Variants in PATJ observed in about 807,000 individuals in gnomAD.
PATJ encodes the protein PATJ crumbs cell polarity complex component.
Under a neutral mutation model 224.9 loss-of-function variants are expected in PATJ, and 190 were observed. The observed-to-expected ratio is 0.84, with a 90% CI of 0.75 to 0.95. The LOEUF (loss-of-function observed/expected upper bound fraction) is 0.95, where lower values mean the gene tolerates loss of function less well. Ranked by LOEUF, PATJ falls within the 40% of genes least tolerant of loss-of-function variation. The probability of loss-of-function intolerance (pLI) is 0.00; values close to 1 mark genes in which losing one functional copy is unlikely to be tolerated. For missense variants in PATJ, 2,121 were observed against 2,270.3 expected (o/e 0.93, Z 1.34); for synonymous variants, 769 against 820.3 (o/e 0.94, Z 1.07).
Position 61,787,805 on chromosome 1 carries a change from G to A in PATJ, c.901G>A (p.Val301Met), listed in dbSNP as rs1472357067. 4.3e-6 allele frequency: 7 copies of A among 1,614,038 alleles called. No homozygotes were observed. Among genetic ancestry groups the A allele is most frequent in the East Asian group, 2.2e-5 (1 of 44,898 alleles). Residue 301 changes from valine (V) to methionine (M), a missense_variant, in exon 8 of 44, where the codon GTG becomes ATG. Coordinates refer to ENST00000642238, the MANE Select transcript of PATJ (RefSeq NM_001350145.3). Reference sequence around the variant, plus strand: ...CATCTTGAAGATTGGTGGCACAAACGTGCAGGGAATGACCAGTGAGCAAGT... The same window carrying A: ...CATCTTGAAGATTGGTGGCACAAACATGCAGGGAATGACCAGTGAGCAAGT... ...DHILKIGGTN[V>M]QGMTSEQVAQ... is the part of the protein sequence containing the mutation.
At chr1:61,933,733 A>G (rs954997235) in intron 27 of PATJ, among the ~76,000 whole-genome samples, 8 of 152,052 alleles carry the variant, frequency 5.3e-5, no homozygotes, top group Non-Finnish European at 1.2e-4. Context: ...TCAATTTTCT[A>G]ACCAAAATAA....
rs557464862 is a variant in PATJ at position 62,161,331 on chromosome 1, C to CT, written c.*302dup. 0.11 allele frequency: 9,906 copies of CT among 92,782 alleles called. 1,082 individuals carry two copies. The highest frequency in any genetic ancestry group is 0.21 in the South Asian group (436 of 2,040). 5.7% of individuals were successfully genotyped at this position (92,782 alleles called of 1,614,324 possible). On this transcript the variant is annotated 3_prime_UTR_variant, in exon 44 of 44. Coordinates refer to ENST00000642238, the MANE Select transcript of PATJ (RefSeq NM_001350145.3). ...GCATTTAATTTCAGTGTTCCGATTTCTTTTTTTTTTTTTTTTTTTTTTTTT... is the reference window on the plus strand; with the variant it reads ...GCATTTAATTTCAGTGTTCCGATTTCTTTTTTTTTTTTTTTTTTTTTTTTTT...
intron 33 of PATJ, among the ~76,000 whole-genome samples, chr1:62,097,432 A>G (rs1200377139): frequency 6.6e-6 from 1 of 152,236 alleles, no homozygotes; most frequent in East Asian, 1.9e-4. Flanking sequence ...TGGTCTCAAG[A>G]GGCCTTGCAA....
intron 33 of PATJ, among the ~76,000 whole-genome samples, chr1:62,092,441 T>C (rs1435560279): frequency 6.6e-6 from 1 of 151,642 alleles, no homozygotes; most frequent in East Asian, 1.9e-4. Context: ...TTCTTAATGA[T>C]AAAAAGTCCT....
rs202216894 is a variant in PATJ, at chr1:61,796,658, T to TTTTCTTTC, written c.1261-569_1261-562dup. On this transcript the variant is annotated intron_variant, in intron 10 of 43. Transcript: ENST00000642238. ...AAATATATCCTAAGGTCTAAATTTA[T>TTTTCTTTC]TTTCTTTCTTTCTTTCTTTCTTTCT... Among the ~76,000 whole-genome samples the TTTTCTTTC allele has an allele frequency of 4.4e-3, 455 of 103,692 alleles. 6 individuals carry two copies. The highest frequency in any genetic ancestry group is 0.012 in the African/African-American group (360 of 30,962). The allele number at this position is 103,692 out of a possible 152,430, so 68.0% of individuals were successfully genotyped here. A position where few individuals can be genotyped will look rare whatever the true frequency, so the allele number is the denominator to read the frequency against.
intron 37 of PATJ, among the ~76,000 whole-genome samples, chr1:62,120,010 TTATAA>T (rs1003570927): frequency 2.7e-4 from 41 of 152,306 alleles, no homozygotes; most frequent in Non-Finnish European, 4.7e-4. Context: ...AAGGCAAAAG[TTATAA>T]TATACTGTAC....
At chr1:61,747,945 C>G (rs1486509323) in intron 1 of PATJ, among the ~76,000 whole-genome samples, 1 of 152,208 alleles carries the variant, frequency 6.6e-6, no homozygotes, top group Non-Finnish European at 1.5e-5. Flanking sequence ...CACAGTTTCA[C>G]TCTGTTGCGA....
At chr1:62,072,282 C>T (rs557591281) in intron 31 of PATJ, among the ~76,000 whole-genome samples, 11 of 152,092 alleles carry the variant, frequency 7.2e-5, no homozygotes, top group East Asian at 1.9e-4. Context: ...TTTCTGTAGC[C>T]GTGGTTTTTT....
chr1:62,038,993 C>T (rs1432400710), intron 30 of PATJ: 37 of 1,363,442 alleles, frequency 2.7e-5, no homozygotes, highest in Non-Finnish European at 3.9e-5. Context: ...CAACAAGCAG[C>T]TGAGCTAACC....
chr1:61,826,532 G>C (rs1658300741), intron 15 of PATJ, among the ~76,000 whole-genome samples: 1 of 152,156 alleles, frequency 6.6e-6, no homozygotes. Flanking sequence ...TCAGCTCTTA[G>C]AGACCTATAG....
intron 31 of PATJ, among the ~76,000 whole-genome samples, chr1:62,063,481 CTATT>C (rs944241284): frequency 3.2e-4 from 48 of 151,930 alleles, no homozygotes; most frequent in African/African-American, 1.1e-3. Context: ...ATTGCTTTGG[CTATT>C]TAGGCCCTTT....
At chr1:61,762,390 T>C (rs1266117858) in intron 1 of PATJ, among the ~76,000 whole-genome samples, 1 of 152,154 alleles carries the variant, frequency 6.6e-6, no homozygotes, top group Non-Finnish European at 1.5e-5. Flanking sequence ...TTATATACCA[T>C]TTGTTTATTC....
At chr1:61,861,438 T>A in intron 18 of PATJ, 113 bp from the exon 19 acceptor site, 1 of 558,258 alleles carries the variant, frequency 1.8e-6, no homozygotes, top group Non-Finnish European at 3.2e-6. Context: ...CAACCCATCA[T>A]CTAGGTTTTA....
At chr1:61,915,696 T>G (rs1673355130) in intron 26 of PATJ, among the ~76,000 whole-genome samples, 1 of 141,228 alleles carries the variant, frequency 7.1e-6, no homozygotes, top group African/African-American at 2.7e-5. Context: ...CTTTTCTTTC[T>G]TTTTTTTTTT....
rs1033730605 is a variant in PATJ at position 62,116,747 on chromosome 1, G to A, written c.4803+68G>A. 5.5e-6 allele frequency: 8 copies of A among 1,454,742 alleles called. No homozygotes were observed. In the African/African-American group the frequency reaches 1.1e-4, roughly 21 times the overall value. The allele number at this position is 1,454,742 out of a possible 1,614,324, so 90.1% of individuals were successfully genotyped here. A position where few individuals can be genotyped will look rare whatever the true frequency, so the allele number is the denominator to read the frequency against. Reference sequence around the variant, plus strand: ...GTCCAGTGGGAACTGTTCCAGTCTAGCTTGATTATAAAATGGGTTGGATTT... The same window carrying A: ...GTCCAGTGGGAACTGTTCCAGTCTAACTTGATTATAAAATGGGTTGGATTT... On this transcript the variant is annotated intron_variant, in intron 36 of 43. Coordinates refer to ENST00000642238, the MANE Select transcript of PATJ (RefSeq NM_001350145.3).
Position 62,108,629 on chromosome 1 carries a change from A to G in PATJ, c.4461+109A>G. ...CTGTATTTTCACTGATTCCTCTCCC[A>G]TTTAACAAAATACTTATCATATTCT... On this transcript the variant is annotated intron_variant, in intron 34 of 43. Transcript: ENST00000642238. 8 of 540,784 alleles carry G rather than the reference A, an allele frequency of 1.5e-5. 2 individuals carry two copies. In the South Asian group the frequency reaches 2.7e-4, roughly 18 times the overall value. The allele number at this position is 540,784 out of a possible 1,614,324, so 33.5% of individuals were successfully genotyped here. A position where few individuals can be genotyped will look rare whatever the true frequency, so the allele number is the denominator to read the frequency against.
At chr1:62,010,093 A>AAAAG (rs1229201510) in intron 28 of PATJ, among the ~76,000 whole-genome samples, 42 of 147,878 alleles carry the variant, frequency 2.8e-4, no homozygotes, top group African/African-American at 5.4e-4. Context: ...AAAAAAAAAA[A>AAAAG]AAAGAAAGAA....
intron 33 of PATJ, among the ~76,000 whole-genome samples, chr1:62,101,541 G>A (rs189190305): frequency 2.0e-5 from 3 of 152,294 alleles, no homozygotes; most frequent in East Asian, 1.9e-4. Flanking sequence ...GGGATTACAG[G>A]CGTGAGCCAC....
At chr1:62,111,797 A>G (rs939635582) in intron 34 of PATJ, among the ~76,000 whole-genome samples, 24 of 151,486 alleles carry the variant, frequency 1.6e-4, no homozygotes, top group East Asian at 1.4e-3. Flanking sequence ...AGTAGCTGGG[A>G]TTATGGGCGC....
Sources: gnomAD v4.1 joint callset for allele counts (sites outside exome capture counted in the v4.1 genomes callset) on GRCh38, gnomAD v4.1.1 for gene constraint, MANE v1.5 for transcripts, NCBI Gene and HGNC (gene_info 2026-07-23, HGNC 2026-07-21) for gene names.